LIPI: variants seen among roughly 807,000 people sequenced by gnomAD.
LIPI encodes the protein lipase I, also known as lipase member I.
A neutral mutation model predicts 50.6 loss-of-function variants in LIPI; 59 were observed. The observed-to-expected ratio is 1.16, with a 90% CI of 0.94 to 1.45. LIPI has a LOEUF of 1.45. LIPI is among the 40% of genes most tolerant of loss of function. The pLI is 0.00. For missense variants in LIPI, 586 were observed against 536.3 expected, an observed-to-expected ratio of 1.09 and a Z score of -0.92; for synonymous variants, 203 against 178.2, an observed-to-expected ratio of 1.14 and a Z score of -1.11.
At chr21:14,181,984 G>T (rs1322721048) in intron 3 of LIPI, 125 bp from the exon 4 acceptor site, 3 of 674,380 alleles carry the variant, frequency 4.4e-6, no homozygotes, top group Non-Finnish European at 8.1e-6. Flanking sequence ...ACCTATCCAA[G>T]AACATATCTA....
chr21:14,133,949 A>C (rs926491942), intron 9 of LIPI, among the ~76,000 whole-genome samples: 1 of 152,192 alleles, frequency 6.6e-6, no homozygotes, highest in African/African-American at 2.4e-5. Context: ...GGCCAAGCAC[A>C]GTGGCTTGCC....
Position 14,144,618 on chromosome 21 carries a change from C to T in LIPI, c.1295+5G>A. The T allele has an allele frequency of 6.9e-7, 1 of 1,451,342 alleles. No individual in the cohort carries two copies. Among genetic ancestry groups the T allele is most frequent in the Non-Finnish European group, 9.6e-7 (1 of 1,039,262 alleles). 89.9% of individuals were successfully genotyped at this position (1,451,342 alleles called of 1,614,324 possible). A position where few individuals can be genotyped will look rare whatever the true frequency, so the allele number is the denominator to read the frequency against. On this transcript the variant is annotated splice_donor_5th_base_variant and intron_variant, in intron 9 of 9. Transcript: ENST00000681601. Reference sequence around the variant, plus strand: ...CATGTTGAAATCAAAATTTAATTTTCTTACCTTTCTGGGTATGTAAGTGAT... The same window carrying T: ...CATGTTGAAATCAAAATTTAATTTTTTTACCTTTCTGGGTATGTAAGTGAT...
intron 9 of LIPI, among the ~76,000 whole-genome samples, chr21:14,110,629 C>T (rs1188470070): frequency 6.6e-6 from 1 of 151,726 alleles, no homozygotes; most frequent in African/African-American, 2.4e-5. Context: ...TCCTTAACAC[C>T]TTCCCCTCCC....
intron 7 of LIPI, among the ~76,000 whole-genome samples, chr21:14,159,727 T>C (rs544160100): frequency 6.6e-6 from 1 of 151,512 alleles, no homozygotes; most frequent in East Asian, 1.9e-4. Context: ...ACATAATTGC[T>C]TACATAGAAA....
chr21:14,175,673 A>G (rs147478533), intron 4 of LIPI, among the ~76,000 whole-genome samples: 131 of 152,252 alleles, frequency 8.6e-4, no homozygotes, highest in African/African-American at 3.0e-3. Flanking sequence ...TTCCTTTCAC[A>G]TGTATGCATA....
At chr21:14,193,456 CA>C (rs1290904200) in intron 1 of LIPI, among the ~76,000 whole-genome samples, 1 of 151,898 alleles carries the variant, frequency 6.6e-6, no homozygotes, top group African/African-American at 2.4e-5. Flanking sequence ...AACATATTGG[CA>C]GAATGAATAA....
chr21:14,131,676 C>G (rs1274878877), intron 9 of LIPI, among the ~76,000 whole-genome samples: 2 of 152,042 alleles, frequency 1.3e-5, no homozygotes, highest in East Asian at 3.9e-4. Context: ...ATGACACCAC[C>G]AAGGGACCGC....
chr21:14,193,016 GAC>G (rs1432143835), intron 1 of LIPI, among the ~76,000 whole-genome samples: 5 of 152,068 alleles, frequency 3.3e-5, no homozygotes, highest in African/African-American at 4.8e-5. Context: ...GGACTTAAAA[GAC>G]AAATGAATAA....
chr21:14,131,123 T>G (rs1007700256), intron 9 of LIPI, among the ~76,000 whole-genome samples: 5 of 152,108 alleles, frequency 3.3e-5, no homozygotes, highest in Non-Finnish European at 7.4e-5. Flanking sequence ...GCTAATTTTT[T>G]GTATTTTTAG....
At chr21:14,119,335 C>T (rs970445627) in intron 9 of LIPI, among the ~76,000 whole-genome samples, 1 of 152,188 alleles carries the variant, frequency 6.6e-6, no homozygotes, top group African/African-American at 2.4e-5. Context: ...CCTTTGAGCG[C>T]TGTGGAAAGC....
At chr21:14,130,623 C>T (rs1197136730) in intron 9 of LIPI, among the ~76,000 whole-genome samples, 1 of 152,184 alleles carries the variant, frequency 6.6e-6, no homozygotes, top group Admixed American at 6.5e-5. Flanking sequence ...CACCTAGCAT[C>T]ATTTTGAGAG....
chr21:14,130,323 G>C (rs2017242116), intron 9 of LIPI, among the ~76,000 whole-genome samples: 1 of 152,146 alleles, frequency 6.6e-6, no homozygotes, highest in Non-Finnish European at 1.5e-5. Flanking sequence ...CCAGGCAACA[G>C]TGCAAGACTC....
chr21:14,172,297 A>T (rs1283946532), intron 4 of LIPI, among the ~76,000 whole-genome samples: 2 of 152,128 alleles, frequency 1.3e-5, no homozygotes, highest in Non-Finnish European at 2.9e-5. Flanking sequence ...ACCATTGTGG[A>T]AGTCAGTGTG....
chr21:14,115,770 T>C (rs1393628106), intron 9 of LIPI, among the ~76,000 whole-genome samples: 1 of 151,916 alleles, frequency 6.6e-6, no homozygotes, highest in Non-Finnish European at 1.5e-5. Context: ...CAAGGTAAGG[T>C]TGGTCCCTAG....
At position 14,180,026 on chromosome 21, in the gene LIPI, T is replaced by C. The variant is rs146696343; in HGVS notation, c.643+1732A>G. On this transcript the variant is annotated intron_variant, in intron 4 of 9. Transcript: ENST00000681601. ...TCCTAGCGAGGAATATTAATATTAA[T>C]ACCCTGGGAAATGAATGCATTCCTG... 2.9e-4 allele frequency among the ~76,000 whole-genome samples: 44 copies of C among 152,150 alleles called. No individual in the cohort carries two copies. The East Asian group carries it at 6.2e-3, about 21-fold the overall frequency.
chr21:14,175,463 G>T (rs2019061944), intron 4 of LIPI, among the ~76,000 whole-genome samples: 1 of 151,914 alleles, frequency 6.6e-6, no homozygotes, highest in African/African-American at 2.4e-5. Context: ...ACTGATAGTA[G>T]GTCTTTATCT....
intron 9 of LIPI, among the ~76,000 whole-genome samples, chr21:14,130,803 C>T (rs78117642): frequency 0.031 from 4,124 of 133,950 alleles, 175 homozygotes; most frequent in African/African-American, 0.1. Flanking sequence ...CCTGCCCCAC[C>T]CAACACAGCC....
Position 14,165,323 on chromosome 21 carries a change from G to A in LIPI, c.801C>T (p.Asn267=). 1.2e-6 allele frequency: 2 copies of A among 1,611,310 alleles called. No homozygotes were observed. The highest frequency in any genetic ancestry group is 1.7e-6 in the Non-Finnish European group (2 of 1,177,866). Residue 267 remains asparagine (N), a synonymous_variant, in exon 6 of 10, where the codon AAC becomes AAT. Transcript: ENST00000681601. ...GACAAGGAAATGAAATAAAATTGCA[G>A]TTTGTTTCTAAAGATGCCATGAACA... The part of the protein sequence containing the change: ...VHLFMASLET[N]CNFISFPCRS...
chr21:14,204,629 C>A (rs973397705), intron 1 of LIPI, among the ~76,000 whole-genome samples: 1 of 151,782 alleles, frequency 6.6e-6, no homozygotes, highest in East Asian at 1.9e-4. Context: ...GAAACAGAAC[C>A]AAAAATAGTT....
Sources: allele counts gnomAD v4.1 joint callset (sites outside exome capture counted in the v4.1 genomes callset), GRCh38; gene constraint gnomAD v4.1.1; transcripts MANE v1.5; gene names NCBI Gene and HGNC (gene_info 2026-07-23, HGNC 2026-07-21).